The following NODAL variants were observed in gnomAD, a reference collection of about 807,000 sequenced individuals.
NODAL encodes the protein nodal growth differentiation factor, also known as nodal homolog.
NODAL carries 12 observed loss-of-function variants against 34.0 expected under a neutral mutation model. That is an observed-to-expected ratio of 0.35 (90% CI 0.23 to 0.57). The LOEUF (loss-of-function observed/expected upper bound fraction) is 0.57, where lower values mean the gene tolerates loss of function less well. NODAL is among the 20% of genes least tolerant of loss of function. NODAL has a pLI of 0.83. For synonymous variants in NODAL, 162 were observed against 186.4 expected, an observed-to-expected ratio of 0.87 and a Z score of 1.07; for missense variants, 390 against 444.2, an observed-to-expected ratio of 0.88 and a Z score of 1.10.
rs755206267 is a variant in NODAL at position 70,435,475 on chromosome 10, C to T, written c.702G>A (p.Arg234=). 1.2e-6 allele frequency: 2 copies of T among 1,614,174 alleles called. No homozygotes were observed. The highest frequency in any genetic ancestry group is 3.3e-4 in the Middle Eastern group (2 of 6,062). Residue 234 remains arginine (R), a synonymous_variant, in exon 2 of 3, where the codon AGG becomes AGA. Transcript: ENST00000287139. ...TGTCTGGCAAGTGATGTCGACGGTGCCTCTTGCCCCACTCCCAGGACAGCT... is the reference window on the plus strand; with the variant it reads ...TGTCTGGCAAGTGATGTCGACGGTGTCTCTTGCCCCACTCCCAGGACAGCT... The part of the protein sequence containing the change: ...EGQLSWEWGK[R]HRRHHLPDRS...
intron 1 of NODAL, among the ~76,000 whole-genome samples, chr10:70,440,098 C>G (rs1845409332): frequency 6.6e-6 from 1 of 152,004 alleles, no homozygotes; most frequent in Non-Finnish European, 1.5e-5. Flanking sequence ...AACAAAAAAA[C>G]AGTGTTTAGC....
chr10:70,434,918 TGAG>T (rs564277607), intron 2 of NODAL: 305 of 289,720 alleles, frequency 1.1e-3, no homozygotes, highest in African/African-American at 6.0e-3. Flanking sequence ...ACACAGCTAA[TGAG>T]GAGTCAAATG....
At chr10:70,441,725 A>T, upstream of NODAL, 2 of 1,514,286 alleles carry the variant, frequency 1.3e-6, no homozygotes. Context: ...GGGCCTCAGC[A>T]GCCGCCCCGC....
chr10:70,445,088 A>G (rs1490711524), upstream of NODAL, among the ~76,000 whole-genome samples: 4 of 152,116 alleles, frequency 2.6e-5, no homozygotes, highest in Non-Finnish European at 4.4e-5. Flanking sequence ...AGCCAATTCC[A>G]GAACCCAGGT....
At chr10:70,441,344 A>T in intron 1 of NODAL, 131 bp downstream of exon 1, 2 of 969,662 alleles carry the variant, frequency 2.1e-6, no homozygotes, top group Non-Finnish European at 3.0e-6. Context: ...TGGGCTCGGG[A>T]CGCCCGGGCG....
At position 70,432,026 on chromosome 10, in the gene NODAL, C is replaced by T. The variant is rs1554849621; in HGVS notation, c.*910G>A. Among the ~76,000 whole-genome samples, 1 of 152,216 alleles carries T rather than the reference C, an allele frequency of 6.6e-6. No homozygotes were observed. The highest frequency in any genetic ancestry group is 1.5e-5 in the Non-Finnish European group (1 of 68,038). The stretch of plus-strand genomic sequence containing the variant: ...GTTCCTTTTACAAGTGGAGACTGGA[C>T]AGTGAATTGCTCACCTGAGGTCGCA... On this transcript the variant is annotated 3_prime_UTR_variant, in exon 3 of 3. Coordinates refer to ENST00000287139, the MANE Select transcript of NODAL (RefSeq NM_018055.5).
At chr10:70,444,498 C>A (rs890323161), upstream of NODAL, among the ~76,000 whole-genome samples, 1 of 152,084 alleles carries the variant, frequency 6.6e-6, no homozygotes, top group Non-Finnish European at 1.5e-5. Flanking sequence ...CATGCCACCA[C>A]GCCTGGCTAA....
intron 1 of NODAL, among the ~76,000 whole-genome samples, chr10:70,440,527 C>T (rs1274696906): frequency 6.6e-6 from 1 of 152,124 alleles, no homozygotes; most frequent in African/African-American, 2.4e-5. Context: ...GATTGCGCCC[C>T]GGCCCCAGGG....
At chr10:70,443,095 AAACAAC>A (rs137898828), upstream of NODAL, among the ~76,000 whole-genome samples, 51 of 151,634 alleles carry the variant, frequency 3.4e-4, no homozygotes, top group Non-Finnish European at 6.2e-4. Context: ...TCAAAAAACA[AAACAAC>A]AACAACAACA....
chr10:70,441,899 C>T (rs1361654895), upstream of NODAL, among the ~76,000 whole-genome samples: 3 of 152,164 alleles, frequency 2.0e-5, no homozygotes, highest in Non-Finnish European at 4.4e-5. Flanking sequence ...GGATCTAGGG[C>T]TCCTGGTTTG....
At chr10:70,440,590 C>T (rs1157953604) in intron 1 of NODAL, among the ~76,000 whole-genome samples, 2 of 152,180 alleles carry the variant, frequency 1.3e-5, no homozygotes, top group Non-Finnish European at 2.9e-5. Context: ...CGCGGCTGCC[C>T]AGGCGGCAGA....
Position 70,433,030 on chromosome 10 carries a change from T to G in NODAL, c.950A>C (p.Lys317Thr). The G allele has an allele frequency of 6.2e-7, 1 of 1,613,994 alleles. No homozygotes were observed. Among genetic ancestry groups the G allele is most frequent in the South Asian group, 1.1e-5 (1 of 91,054 alleles). The change falls in exon 3 of 3, where the codon AAG (lysine) becomes ACG (threonine). Residue 317 changes from lysine to threonine, a missense_variant. By Grantham distance (78) the Lys-to-Thr change is moderately conservative. Transcript: ENST00000287139. The stretch of plus-strand genomic sequence containing the variant: ...ATACAGCATGCTCAGCGGCTTGGTC[T>G]TCACTGGGGCACAACAAGTGGAAGG... ...RVPSTCCAPVKTKPLSMLYVD... is the reference protein window; with the variant it reads ...RVPSTCCAPVTTKPLSMLYVD...
At chr10:70,444,594 A>G (rs116737892), upstream of NODAL, among the ~76,000 whole-genome samples, 480 of 151,352 alleles carry the variant, frequency 3.2e-3, 6 homozygotes, top group African/African-American at 0.011. Context: ...CTTGGCCTCC[A>G]TAAGTGCTGG....
upstream of NODAL, among the ~76,000 whole-genome samples, chr10:70,442,827 T>C (rs1480294206): frequency 6.6e-6 from 1 of 152,062 alleles, no homozygotes; most frequent in Non-Finnish European, 1.5e-5. Context: ...CTCACACCTG[T>C]AATTTCAGCA....
intron 1 of NODAL, among the ~76,000 whole-genome samples, chr10:70,441,210 G>A (rs1206055823): frequency 1.3e-5 from 2 of 152,242 alleles, no homozygotes; most frequent in African/African-American, 4.8e-5. Context: ...CAGAGACAAT[G>A]GTCCCCGTCG....
At chr10:70,447,724 A>G (rs1845503685) in intron 1 of NODAL, among the ~76,000 whole-genome samples, 1 of 137,070 alleles carries the variant, frequency 7.3e-6, no homozygotes, top group African/African-American at 2.7e-5. Flanking sequence ...ATCGTAGAGC[A>G]GTTGTCTAAA....
At position 70,435,601 on chromosome 10, in the gene NODAL, C is replaced by A. The variant is rs202115021; in HGVS notation, c.576G>T (p.Val192=). ...PRPPTPPATN[V]LLMLYSNLSQ... is the part of the protein sequence containing the mutation. ...AGAGGTTGGAGTAGAGCATAAGGAGCACATTGGTGGCAGGCGGTGTGGGGG... is the reference window on the plus strand; with the variant it reads ...AGAGGTTGGAGTAGAGCATAAGGAGAACATTGGTGGCAGGCGGTGTGGGGG... The change falls in exon 2 of 3, where the codon GTG becomes GTT. Residue 192 remains valine, a synonymous_variant. Coordinates refer to ENST00000287139, the MANE Select transcript of NODAL (RefSeq NM_018055.5). The A allele has an allele frequency of 6.2e-6, 10 of 1,614,032 alleles. No individual in the cohort carries two copies. The highest frequency in any genetic ancestry group is 8.5e-6 in the Non-Finnish European group (10 of 1,179,972).
chr10:70,439,205 A>G (rs1406553071), intron 1 of NODAL, among the ~76,000 whole-genome samples: 2 of 152,108 alleles, frequency 1.3e-5, no homozygotes, highest in African/African-American at 4.8e-5. Flanking sequence ...GGGTTTCATC[A>G]TGTTGGGCAG....
At chr10:70,436,082 C>A in intron 1 of NODAL, 99 bp from the exon 2 acceptor site, 2 of 999,980 alleles carry the variant, frequency 2.0e-6, no homozygotes, top group South Asian at 2.7e-5. Flanking sequence ...GAGGCCTTAC[C>A]TTATATAGAA....
Sources: gnomAD v4.1 joint callset for allele counts (sites outside exome capture counted in the v4.1 genomes callset) on GRCh38, gnomAD v4.1.1 for gene constraint, MANE v1.5 for transcripts, NCBI Gene and HGNC (gene_info 2026-07-23, HGNC 2026-07-21) for gene names.